RFX3: variants seen among roughly 807,000 people sequenced by gnomAD.
RFX3 encodes the protein transcription factor RFX3.
Under a neutral mutation model 98.6 loss-of-function variants are expected in RFX3, and 14 were observed. The ratio of observed to expected loss-of-function variants is 0.14; its 90% CI spans 0.09 to 0.22. The LOEUF is 0.22. Among genes scored for constraint, RFX3 ranks in the 10% least tolerant of loss-of-function variants. The pLI is 1.00. For synonymous variants in RFX3, 383 were observed against 328.4 expected, an observed-to-expected ratio of 1.17 and a Z score of -1.80; for missense variants, 639 against 926.9, an observed-to-expected ratio of 0.69 and a Z score of 4.03.
At chr9:3,277,689 A>C (rs545193552) in intron 7 of RFX3, among the ~76,000 whole-genome samples, 3 of 152,130 alleles carry the variant, frequency 2.0e-5, no homozygotes, top group Non-Finnish European at 2.9e-5. Flanking sequence ...ATTTTTGGAA[A>C]TCCAGAAATT....
intron 3 of RFX3, among the ~76,000 whole-genome samples, chr9:3,332,778 G>C (rs1832745632): frequency 1.3e-5 from 2 of 151,974 alleles, no homozygotes; most frequent in Non-Finnish European, 2.9e-5. Context: ...CATTTTTCTG[G>C]TCCTGACAAA....
intron 2 of RFX3, among the ~76,000 whole-genome samples, chr9:3,362,069 G>C (rs1836523559): frequency 6.6e-6 from 1 of 152,208 alleles, no homozygotes. Context: ...TATACTTCAT[G>C]AGCACAGGAT....
At chr9:3,512,456 G>C (rs977029689) in intron 1 of RFX3, among the ~76,000 whole-genome samples, 1 of 151,886 alleles carries the variant, frequency 6.6e-6, no homozygotes, top group African/African-American at 2.4e-5. Context: ...CTTTACAACT[G>C]TAGGCTGCTT....
At chr9:3,412,532 T>C (rs571541055) in intron 1 of RFX3, among the ~76,000 whole-genome samples, 2 of 152,178 alleles carry the variant, frequency 1.3e-5, no homozygotes, top group East Asian at 3.8e-4. Context: ...GAGAGGGCTC[T>C]AAACAAAAAT....
At chr9:3,374,086 ACG>A (rs1554684120) in intron 2 of RFX3, among the ~76,000 whole-genome samples, 2 of 139,030 alleles carry the variant, frequency 1.4e-5, no homozygotes, top group Non-Finnish European at 3.0e-5. Flanking sequence ...TCACACACAC[ACG>A]CGCGCACACA....
chr9:3,396,206 A>G (rs527362415), intron 1 of RFX3, among the ~76,000 whole-genome samples: 12 of 151,738 alleles, frequency 7.9e-5, no homozygotes, highest in Non-Finnish European at 1.8e-4. Context: ...CCACCCCACA[A>G]CAGGCCCCGA....
At chr9:3,263,692 G>A (rs1438660580) in intron 12 of RFX3, among the ~76,000 whole-genome samples, 2 of 152,084 alleles carry the variant, frequency 1.3e-5, no homozygotes, top group Non-Finnish European at 2.9e-5. Context: ...AGGGCTATGC[G>A]GGAAATTTCT....
chr9:3,270,933 T>C, intron 10 of RFX3, 70 bp downstream of exon 10: 1 of 1,605,766 alleles, frequency 6.2e-7, no homozygotes, highest in Non-Finnish European at 8.5e-7. Context: ...CTGGTATACA[T>C]ATCTCTAATT....
At chr9:3,252,904 A>T (rs1563805320) in intron 14 of RFX3, among the ~76,000 whole-genome samples, 1 of 152,238 alleles carries the variant, frequency 6.6e-6, no homozygotes. Flanking sequence ...AATCAGTTGA[A>T]TTGTATCATT....
chr9:3,425,283 G>A (rs74977584), intron 1 of RFX3, among the ~76,000 whole-genome samples: 5,905 of 152,230 alleles, frequency 0.039, 414 homozygotes, highest in African/African-American at 0.13. Context: ...TCCCTACTAC[G>A]TGGCAAAAAC....
intron 1 of RFX3, among the ~76,000 whole-genome samples, chr9:3,438,036 A>G (rs1845305294): frequency 6.6e-6 from 1 of 152,096 alleles, no homozygotes; most frequent in South Asian, 2.1e-4. Flanking sequence ...AAACATACTG[A>G]TAAACCTAAG....
intron 1 of RFX3, among the ~76,000 whole-genome samples, chr9:3,408,863 T>C (rs998562650): frequency 1.3e-5 from 2 of 152,192 alleles, no homozygotes; most frequent in Non-Finnish European, 2.9e-5. Flanking sequence ...GCAGAGATGG[T>C]GATCGGGTAC....
At chr9:3,505,341 A>C (rs1312790101) in intron 1 of RFX3, among the ~76,000 whole-genome samples, 1 of 106,102 alleles carries the variant, frequency 9.4e-6, no homozygotes, top group Non-Finnish European at 1.7e-5. Context: ...TTTTATATAA[A>C]TAAAATATTT....
intron 15 of RFX3, chr9:3,247,639 G>A: frequency 7.3e-7 from 1 of 1,365,466 alleles, no homozygotes; most frequent in Non-Finnish European, 9.5e-7. Flanking sequence ...TGTTCTTGGA[G>A]ACCGGGAAAG....
intron 4 of RFX3, among the ~76,000 whole-genome samples, chr9:3,313,431 G>A (rs1007110904): frequency 6.6e-6 from 1 of 152,196 alleles, no homozygotes; most frequent in African/African-American, 2.4e-5. Flanking sequence ...GAGCAGAAAA[G>A]CTGAAAATTC....
At chr9:3,251,833 CT>C (rs1418032786) in intron 14 of RFX3, among the ~76,000 whole-genome samples, 4 of 151,518 alleles carry the variant, frequency 2.6e-5, no homozygotes, top group African/African-American at 9.7e-5. Context: ...AATTTTAGGC[CT>C]TTCTATTTCT....
rs1009740873 is a variant in RFX3, at chr9:3,310,623, CACA to C, written c.475-9006_475-9004del. ...TCTATATTAATTCTCACTTTATCTT[CACA>C]ACAACTTTGTAAAATAGTAAAGGTA... On this transcript the variant is annotated intron_variant, in intron 4 of 16. Coordinates refer to ENST00000617270, the MANE Select transcript of RFX3 (RefSeq NM_001282116.2). Among the ~76,000 whole-genome samples, 157 of 152,256 alleles carry C rather than the reference CACA, an allele frequency of 1.0e-3. 1 individual carries two copies. Among genetic ancestry groups the C allele is most frequent in the African/African-American group, 3.6e-3 (148 of 41,554 alleles).
intron 1 of RFX3, among the ~76,000 whole-genome samples, chr9:3,410,338 TTTA>T (rs936609392): frequency 1.3e-5 from 2 of 152,140 alleles, no homozygotes; most frequent in African/African-American, 4.8e-5. Flanking sequence ...TGCTCAGTAT[TTTA>T]TTATTATACA....
intron 1 of RFX3, among the ~76,000 whole-genome samples, chr9:3,522,701 C>A (rs1348884974): frequency 1.3e-5 from 2 of 152,062 alleles, no homozygotes; most frequent in African/African-American, 4.8e-5. Flanking sequence ...CTGCTAATTT[C>A]TTCAGCTGGA....
Sources: allele counts gnomAD v4.1 joint callset (sites outside exome capture counted in the v4.1 genomes callset), GRCh38; gene constraint gnomAD v4.1.1; transcripts MANE v1.5; gene names NCBI Gene and HGNC (gene_info 2026-07-23, HGNC 2026-07-21).